CDH15: variants seen among roughly 807,000 people sequenced by gnomAD.
CDH15 encodes the protein cadherin 15, also known as cadherin-15.
CDH15 carries 73 observed loss-of-function variants against 69.4 expected under a neutral mutation model. That is an observed-to-expected ratio of 1.05 (90% CI 0.87 to 1.28). The LOEUF is 1.28. Among genes scored for constraint, CDH15 ranks in the 50% most tolerant of loss-of-function variants. CDH15 has a pLI of 0.00. For synonymous variants in CDH15, 624 were observed against 507.7 expected (o/e 1.23, Z -3.08); for missense variants, 1,343 against 1,133.6 (o/e 1.18, Z -2.65).
At chr16:89,175,160 T>A (rs527953698) in intron 1 of CDH15, among the ~76,000 whole-genome samples, 289 of 152,230 alleles carry the variant, frequency 1.9e-3, no homozygotes, top group Non-Finnish European at 3.4e-3. Flanking sequence ...ACTCCCAGCC[T>A]CTGGCTTGAC....
chr16:89,193,993 T>G, intron 13 of CDH15, 80 bp downstream of exon 13: 1 of 1,490,714 alleles, frequency 6.7e-7, no homozygotes, highest in Non-Finnish European at 9.2e-7. Context: ...CACCTGCACA[T>G]GCATGCAAGA....
intron 1 of CDH15, among the ~76,000 whole-genome samples, chr16:89,173,272 G>A (rs536225481): frequency 1.1e-4 from 16 of 152,316 alleles, no homozygotes; most frequent in African/African-American, 3.6e-4. Flanking sequence ...TTCTTCCCTG[G>A]CACCCCAACC....
At chr16:89,175,376 T>A (rs185147879) in intron 1 of CDH15, among the ~76,000 whole-genome samples, 124 of 152,292 alleles carry the variant, frequency 8.1e-4, no homozygotes, top group African/African-American at 2.8e-3. Context: ...CCAAGGCCGG[T>A]GTGGCTCTGT....
intron 8 of CDH15, 113 bp from the exon 9 acceptor site, chr16:89,191,217 G>T: frequency 8.4e-7 from 1 of 1,195,042 alleles, no homozygotes; most frequent in Non-Finnish European, 1.2e-6. Context: ...CATGCATGTG[G>T]TATGTATGTG....
chr16:89,177,148 C>T (rs1450350620), intron 1 of CDH15, among the ~76,000 whole-genome samples: 2 of 144,852 alleles, frequency 1.4e-5, no homozygotes, highest in African/African-American at 5.0e-5. Context: ...TGGGACGATG[C>T]AGACGCCACA....
rs770671820 is a variant in CDH15 at position 89,180,282 on chromosome 16, T to A, written c.284T>A (p.Phe95Tyr). Residue 95 changes from phenylalanine (F) to tyrosine (Y), a missense_variant, in exon 3 of 14, where the codon TTC becomes TAC. Physicochemically the swap from Phe to Tyr is conservative, Grantham distance 22. Coordinates refer to ENST00000289746, the MANE Select transcript of CDH15 (RefSeq NM_004933.3). ...PGVDEEPRGV[F>Y]SIDKFTGKVF... ...GTGGATGAGGAGCCCCGGGGCGTCT[T>A]CTCTATCGACAAGTTCACAGGGAAG... is the stretch of plus-strand genomic sequence containing the variant. 1 of 1,611,298 alleles carries A rather than the reference T, an allele frequency of 6.2e-7. No homozygotes were observed. The highest frequency in any genetic ancestry group is 2.2e-5 in the East Asian group (1 of 44,748).
At position 89,183,707 on chromosome 16, in the gene CDH15, C is replaced by T. The variant is rs1426619743; in HGVS notation, c.502+15C>T. 4 of 1,584,890 alleles carry T rather than the reference C, an allele frequency of 2.5e-6. No individual in the cohort carries two copies. Among genetic ancestry groups the T allele is most frequent in the Non-Finnish European group, 3.4e-6 (4 of 1,165,398 alleles). ...TGCAGTCCCAGGTGAGACAGGACCA[C>T]AGCCCCGGGCCGGGAGGGGCTGCAA... On this transcript the variant is annotated intron_variant, in intron 4 of 13. Coordinates refer to ENST00000289746, the MANE Select transcript of CDH15 (RefSeq NM_004933.3).
At chr16:89,193,952 G>A (rs1207929532) in intron 13 of CDH15, 39 bp downstream of exon 13, 10 of 1,599,660 alleles carry the variant, frequency 6.3e-6, no homozygotes, top group Admixed American at 1.7e-5. Context: ...ACACAGGCAC[G>A]CACAGGTGCA....
chr16:89,186,359 A>G (rs548756355), intron 5 of CDH15, among the ~76,000 whole-genome samples: 19 of 138,154 alleles, frequency 1.4e-4, no homozygotes, highest in African/African-American at 5.3e-4. Context: ...AGCGCACAGA[A>G]GGTGCTCTGT....
Position 89,171,864 on chromosome 16 carries a change from G to C in CDH15, c.33G>C (p.Leu11=). The change falls in exon 1 of 14, where the codon CTG becomes CTC. Residue 11 remains leucine (L), a synonymous_variant. Transcript: ENST00000289746. MDAAFLLVLG[L]LAQSLCLSLG... ...CCGCGTTCCTCCTCGTCCTCGGGCT[G>C]TTGGCCCAGGTAAGGCATCGGCACC... 6.4e-7 allele frequency: 1 copy of C among 1,558,402 alleles called. No homozygotes were observed. Among genetic ancestry groups the C allele is most frequent in the Non-Finnish European group, 8.7e-7 (1 of 1,154,950 alleles).
intron 7 of CDH15, among the ~76,000 whole-genome samples, chr16:89,189,508 A>G (rs1410985727): frequency 6.6e-6 from 1 of 152,162 alleles, no homozygotes; most frequent in Non-Finnish European, 1.5e-5. Context: ...AGAGTGGGGG[A>G]GGGCATGGAG....
In CDH15 at chr16:89,194,867, G is replaced by C; in HGVS notation, c.2157G>C (p.Leu719Phe). The part of the protein sequence containing the change: ...LDIADFINDG[L>F]EAADSDPSVP... ...CTCTCCGGGCCTCTTTATAGGGCTT[G>C]GAGGCTGCAGATAGTGACCCCAGTG... The change falls in exon 14 of 14, where the codon TTG becomes TTC. Residue 719 changes from leucine (L) to phenylalanine (F), a missense_variant. Transcript: ENST00000289746. The C allele has an allele frequency of 6.2e-7, 1 of 1,603,624 alleles. No individual in the cohort carries two copies. Among genetic ancestry groups the C allele is most frequent in the Non-Finnish European group, 8.5e-7 (1 of 1,174,924 alleles).
At position 89,192,233 on chromosome 16, in the gene CDH15, C is replaced by T. The variant is rs2151604447; in HGVS notation, c.1644C>T (p.His548=). The T allele has an allele frequency of 6.5e-7, 1 of 1,529,666 alleles. No individual in the cohort carries two copies. The highest frequency in any genetic ancestry group is 8.7e-7 in the Non-Finnish European group (1 of 1,144,782). 94.8% of individuals were successfully genotyped at this position (1,529,666 alleles called of 1,614,324 possible). The change falls in exon 11 of 14, where the codon CAC becomes CAT. Residue 548 remains histidine (H), a synonymous_variant. Transcript: ENST00000289746. ...GCCACGCGCGCCTGCGGCCGCGACA[C>T]CAGGTCCCCGAAGGCCTGCACCGCC... is the stretch of plus-strand genomic sequence containing the variant. ...NVSHARLRPR[H]QVPEGLHRLS...
In CDH15 at chr16:89,171,817, C is replaced by T. The variant is rs1279984039; in HGVS notation, c.-15C>T. The stretch of plus-strand genomic sequence containing the variant: ...GTCGCGGGTGCACTCCGGCCCGGCT[C>T]CCGCCTCGGCCCCGATGGACGCCGC... On this transcript the variant is annotated 5_prime_UTR_variant, in exon 1 of 14. Transcript: ENST00000289746. 6.4e-7 allele frequency: 1 copy of T among 1,551,936 alleles called. No homozygotes were observed. Among genetic ancestry groups the T allele is most frequent in the Non-Finnish European group, 8.7e-7 (1 of 1,151,710 alleles).
rs768627306 is a variant in CDH15, at chr16:89,193,538, G to A, written c.1924G>A (p.Gly642Ser). 92 of 1,611,712 alleles carry A rather than the reference G, an allele frequency of 5.7e-5. No homozygotes were observed. The highest frequency in any genetic ancestry group is 7.5e-5 in the Non-Finnish European group (88 of 1,179,646). Reference protein sequence around the residue: ...KQSRGKGLLHGPQDDLRDNVL... With the variant: ...KQSRGKGLLHSPQDDLRDNVL... ...GTCTCGGGGCAAGGGGCTGCTGCAC[G>A]GCCCCCAGGACGACCTTCGAGACAA... is the stretch of plus-strand genomic sequence containing the variant. Residue 642 changes from glycine to serine, a missense_variant, in exon 12 of 14, where the codon GGC (glycine) becomes AGC (serine). Gly to Ser is a moderately conservative substitution (Grantham distance 56, BLOSUM62 0). Coordinates refer to ENST00000289746, the MANE Select transcript of CDH15 (RefSeq NM_004933.3).
At chr16:89,192,143 G>A in intron 10 of CDH15, 62 bp from the exon 11 acceptor site, 1 of 1,473,128 alleles carries the variant, frequency 6.8e-7, no homozygotes, top group Non-Finnish European at 9.0e-7. Flanking sequence ...TCGGCGCGAG[G>A]AGGGCAGGCG....
intron 7 of CDH15, 109 bp downstream of exon 7, chr16:89,188,394 GCACACA>G (rs1446749701): frequency 5.0e-5 from 33 of 654,426 alleles, no homozygotes; most frequent in Non-Finnish European, 1.1e-5. Flanking sequence ...ACAGATGCCG[GCACACA>G]CACATGCCGG....
In CDH15 at chr16:89,191,662, G is replaced by A. The variant is rs781588937; in HGVS notation, c.1383G>A (p.Gln461=). 9.5e-5 allele frequency: 151 copies of A among 1,588,624 alleles called. 1 individual carries two copies. Among genetic ancestry groups the A allele is most frequent in the Non-Finnish European group, 1.2e-4 (142 of 1,172,692 alleles). Residue 461 remains glutamine, a synonymous_variant, in exon 10 of 14, where the codon CAG becomes CAA. Transcript: ENST00000289746. ...CGGCCTCCTCGCCTGCAGCCTCCCAGCCCCGCACCGCCACCGGCACCCTGT... is the reference window on the plus strand; with the variant it reads ...CGGCCTCCTCGCCTGCAGCCTCCCAACCCCGCACCGCCACCGGCACCCTGT... ...AIVLAQDDAS[Q]PRTATGTLSI...
In CDH15 at chr16:89,190,308, G is replaced by A. The variant is rs147793847; in HGVS notation, c.1044G>A (p.Leu348=). 2.2e-5 allele frequency: 36 copies of A among 1,611,876 alleles called. No homozygotes were observed. The African/African-American group carries it at 4.5e-4, about 20-fold the overall frequency. Residue 348 remains leucine (L), a synonymous_variant, in exon 8 of 14, where the codon CTG becomes CTA. Transcript: ENST00000289746. ...LKVSVQNEAP[L]QAAALRAERG... ...TGTCGGTGCAGAATGAGGCCCCGCT[G>A]CAGGCGGCTGCCCTTAGGGCTGAGC...
Sources: gnomAD v4.1 joint callset for allele counts (sites outside exome capture counted in the v4.1 genomes callset) on GRCh38, gnomAD v4.1.1 for gene constraint, MANE v1.5 for transcripts, NCBI Gene and HGNC (gene_info 2026-07-23, HGNC 2026-07-21) for gene names.